EMILIN2: variants seen among roughly 807,000 people sequenced by gnomAD.
The protein encoded by EMILIN2 is EMILIN-2.
Under a neutral mutation model 87.1 loss-of-function variants are expected in EMILIN2, and 71 were observed. The ratio of observed to expected loss-of-function variants is 0.82; its 90% confidence interval spans 0.67 to 0.99. The LOEUF (loss-of-function observed/expected upper bound fraction) is 0.99, where lower values mean the gene tolerates loss of function less well. Ranked by LOEUF, EMILIN2 falls within the 50% of genes least tolerant of loss-of-function variation. The pLI, the probability that EMILIN2 is intolerant of heterozygous loss-of-function variation, is 0.00. For missense variants in EMILIN2, 1,407 were observed against 1,371.8 expected (o/e 1.03, Z -0.40); for synonymous variants, 581 against 563.4 (o/e 1.03, Z -0.44).
At chr18:2,846,722 G>A (rs1304231764), upstream of EMILIN2, 4 of 981,780 alleles carry the variant, frequency 4.1e-6, no homozygotes, top group East Asian at 4.5e-4. This position sits in a 1 kb window ranked among gnomAD's most constrained non-coding sequence, Gnocchi z 5.3. Context: ...GTCCCGGGGG[G>A]CCGGGAGCGA....
chr18:2,872,469 G>C (rs1275101202), intron 2 of EMILIN2, among the ~76,000 whole-genome samples: 1 of 152,198 alleles, frequency 6.6e-6, no homozygotes, highest in Non-Finnish European at 1.5e-5. Flanking sequence ...CGAGCCTCCT[G>C]CCTCGGCCTC....
In EMILIN2 at chr18:2,869,537, A is replaced by T. The variant is rs190608927; in HGVS notation, c.258-15427A>T. 8.1e-4 allele frequency among the ~76,000 whole-genome samples: 123 copies of T among 152,258 alleles called. 3 individuals are homozygous for T. The East Asian group carries it at 0.023, about 28-fold the overall frequency. ...GTCATACAGGTTGTACTCTCTTTTG[A>T]CTGGCTTCTTTCATTGAACAGAAAG... On this transcript the variant is annotated intron_variant, in intron 2 of 7. Coordinates refer to ENST00000254528, the MANE Select transcript of EMILIN2 (RefSeq NM_032048.3).
chr18:2,879,893 A>G (rs1381851711), intron 2 of EMILIN2, among the ~76,000 whole-genome samples: 1 of 152,034 alleles, frequency 6.6e-6, no homozygotes, highest in African/African-American at 2.4e-5. Context: ...TTTTTAGTAG[A>G]GATGAGGTTT....
intron 2 of EMILIN2, among the ~76,000 whole-genome samples, chr18:2,872,725 AG>A (rs1391275386): frequency 3.9e-5 from 6 of 152,204 alleles, no homozygotes; most frequent in African/African-American, 1.4e-4. Flanking sequence ...TCAAATTGCG[AG>A]GGTTCATGTC....
In EMILIN2 at chr18:2,880,135, G is replaced by A. The variant is rs142577084; in HGVS notation, c.258-4829G>A. Among the ~76,000 whole-genome samples the A allele has an allele frequency of 2.6e-5, 4 of 152,336 alleles. No individual in the cohort carries two copies. The highest frequency in any genetic ancestry group is 7.2e-5 in the African/African-American group (3 of 41,572). ...AGCAAACACAAGTGTGAACTGAGGCGTGTTATGAAGGAGGTCTCAACTTGA... is the reference window on the plus strand; with the variant it reads ...AGCAAACACAAGTGTGAACTGAGGCATGTTATGAAGGAGGTCTCAACTTGA... On this transcript the variant is annotated intron_variant, in intron 2 of 7. Coordinates refer to ENST00000254528, the MANE Select transcript of EMILIN2 (RefSeq NM_032048.3). This position sits in a 1 kb window ranked among gnomAD's most constrained non-coding sequence, Gnocchi z 4.1.
At chr18:2,893,380 C>CACTG (rs1555669061) in intron 4 of EMILIN2, among the ~76,000 whole-genome samples, 2 of 151,652 alleles carry the variant, frequency 1.3e-5, no homozygotes, top group African/African-American at 4.9e-5. Flanking sequence ...TGTTTCCAGA[C>CACTG]ACAGGACCGT....
intron 3 of EMILIN2, among the ~76,000 whole-genome samples, chr18:2,889,133 C>CTTTTCTTTTTTTTTTTTTTTTT (rs2076819032): frequency 1.2e-5 from 1 of 84,356 alleles, no homozygotes; most frequent in African/African-American, 4.9e-5. Context: ...TCTTTCTTTT[C>CTTTTCTTTTTTTTTTTTTTTTT]TTTTTTTTTT....
rs536968629 is a variant in EMILIN2 at position 2,880,204 on chromosome 18, A to C, written c.258-4760A>C. Among the ~76,000 whole-genome samples, 1 of 152,156 alleles carries C rather than the reference A, an allele frequency of 6.6e-6. No homozygotes were observed. Among genetic ancestry groups the C allele is most frequent in the South Asian group, 2.1e-4 (1 of 4,820 alleles). On this transcript the variant is annotated intron_variant, in intron 2 of 7. Transcript: ENST00000254528. This position sits in a 1 kb window ranked among gnomAD's most constrained non-coding sequence, Gnocchi z 4.1. ...TGTGGGGGTGACATCAAGTGGAGGT[A>C]CTGTCATTTTGTTTTAACAGGGACA...
chr18:2,892,293 T>C lies in EMILIN2; in HGVS notation c.2166T>C (p.Asn722=). ...GCAAGCTGGACTCTATCTCAGGAAA[T>C]CTTCAGAGGATCAAGGAGGGGCTCA... ...TCSKLDSISG[N]LQRIKEGLNK... is the part of the protein sequence containing the mutation. Residue 722 remains asparagine, a synonymous_variant, in exon 4 of 8, where the codon AAT becomes AAC. Coordinates refer to ENST00000254528, the MANE Select transcript of EMILIN2 (RefSeq NM_032048.3). The C allele has an allele frequency of 1.2e-6, 2 of 1,614,014 alleles. No individual in the cohort carries two copies. Among genetic ancestry groups the C allele is most frequent in the Non-Finnish European group, 1.7e-6 (2 of 1,179,996 alleles).
In EMILIN2 at chr18:2,892,108, C is replaced by A. The variant is rs1370198811; in HGVS notation, c.1981C>A (p.His661Asn). 1.9e-6 allele frequency: 3 copies of A among 1,612,722 alleles called. No individual in the cohort carries two copies. The highest frequency in any genetic ancestry group is 1.7e-5 in the Admixed American group (1 of 59,922). Residue 661 changes from histidine to asparagine, a missense_variant, in exon 4 of 8, where the codon CAC (histidine) becomes AAC (asparagine). Transcript: ENST00000254528. ...AGTGGACACCCTGCCGTCCCCCCAG[C>A]ACCCCGTGGCTCATTGCTGCAGTCA... Reference protein sequence around the residue: ...RTVDTLPSPQHPVAHCCSQLE... With the variant: ...RTVDTLPSPQNPVAHCCSQLE...
At chr18:2,868,673 G>T (rs910142585) in intron 2 of EMILIN2, among the ~76,000 whole-genome samples, 5 of 152,264 alleles carry the variant, frequency 3.3e-5, no homozygotes, top group Non-Finnish European at 7.3e-5. Context: ...GCGCGCGCCT[G>T]CAATCGCAGG....
At chr18:2,889,760 C>A (rs1221921609) in intron 3 of EMILIN2, among the ~76,000 whole-genome samples, 1 of 143,432 alleles carries the variant, frequency 7.0e-6, no homozygotes. Context: ...CCTTGAACTC[C>A]TGGGCTCACG....
chr18:2,868,438 C>T (rs2143986527), intron 2 of EMILIN2, among the ~76,000 whole-genome samples: 1 of 152,328 alleles, frequency 6.6e-6, no homozygotes, highest in East Asian at 1.9e-4. Flanking sequence ...TTTGGGAGGC[C>T]AAGGCAGGCG....
intron 2 of EMILIN2, among the ~76,000 whole-genome samples, chr18:2,861,567 G>T (rs1480683224): frequency 6.6e-6 from 1 of 152,196 alleles, no homozygotes; most frequent in South Asian, 2.1e-4. Context: ...ATTTCTGAGG[G>T]CTGTGTTCTG....
chr18:2,875,012 T>C (rs1430834146), intron 2 of EMILIN2, among the ~76,000 whole-genome samples: 1 of 151,976 alleles, frequency 6.6e-6, no homozygotes, highest in African/African-American at 2.4e-5. Context: ...CTGAGAACAG[T>C]GGATGGGCAG....
At position 2,858,581 on chromosome 18, in the gene EMILIN2, G is replaced by GTATATA. The variant is rs1416903980; in HGVS notation, c.257+10651_257+10652insATATAT. On this transcript the variant is annotated intron_variant, in intron 2 of 7. Coordinates refer to ENST00000254528, the MANE Select transcript of EMILIN2 (RefSeq NM_032048.3). ...TATATATATATATATGTGTGTGTGT[G>GTATATA]TGTATATATATATATATATATGTGT... Among the ~76,000 whole-genome samples the GTATATA allele has an allele frequency of 6.4e-3, 416 of 64,754 alleles. 30 individuals are homozygous for GTATATA. Among genetic ancestry groups the GTATATA allele is most frequent in the African/African-American group, 0.02 (212 of 10,680 alleles). The allele number at this position is 64,754 out of a possible 152,430, so 42.5% of individuals were successfully genotyped here.
rs765964710 is a variant in EMILIN2, at chr18:2,891,847, C to T, written c.1720C>T (p.Arg574Cys). Residue 574 changes from arginine to cysteine, a missense_variant, in exon 4 of 8, where the codon CGC becomes TGC. Physicochemically the swap from Arg to Cys is radical, Grantham distance 180 (BLOSUM62 -3). Coordinates refer to ENST00000254528, the MANE Select transcript of EMILIN2 (RefSeq NM_032048.3). This position sits in a 1 kb window ranked among gnomAD's most constrained non-coding sequence, Gnocchi z 4.6. ...MEGALPNRED[R>C]AVRDSLHLLK... The stretch of plus-strand genomic sequence containing the variant: ...AGGTGCCTTGCCAAACAGGGAAGAC[C>T]GCGCAGTACGCGACAGCCTGCACCT... 3.6e-5 allele frequency: 58 copies of T among 1,614,082 alleles called. No homozygotes were observed. In the South Asian group the frequency reaches 3.7e-4, roughly 10 times the overall value.
At position 2,858,579 on chromosome 18, in the gene EMILIN2, G is replaced by GCA. The variant is rs1568454211; in HGVS notation, c.257+10648_257+10649insCA. ...TATATATATATATATATGTGTGTGT[G>GCA]TGTGTATATATATATATATATATGT... On this transcript the variant is annotated intron_variant, in intron 2 of 7. Transcript: ENST00000254528. 7.7e-4 allele frequency among the ~76,000 whole-genome samples: 48 copies of GCA among 62,400 alleles called. 1 individual carries two copies. The highest frequency in any genetic ancestry group is 1.1e-3 in the Non-Finnish European group (41 of 37,422). The allele number at this position is 62,400 out of a possible 152,430, so 40.9% of individuals were successfully genotyped here. A position where few individuals can be genotyped will look rare whatever the true frequency, so the allele number is the denominator to read the frequency against.
chr18:2,892,710 C>T (rs1178517055), intron 4 of EMILIN2, among the ~76,000 whole-genome samples: 1 of 151,450 alleles, frequency 6.6e-6, no homozygotes, highest in African/African-American at 2.4e-5. Flanking sequence ...TGCTGAGTAG[C>T]AATAAGATAA....
Sources: gnomAD v4.1 joint callset for allele counts (sites outside exome capture counted in the v4.1 genomes callset) on GRCh38, gnomAD v4.1.1 for gene constraint, Gnocchi (gnomAD v3.1) non-coding constraint, MANE v1.5 for transcripts, NCBI Gene and HGNC (gene_info 2026-07-23, HGNC 2026-07-21) for gene names.